The following TRPM6 variants were observed in gnomAD, a reference collection of about 807,000 sequenced individuals.
TRPM6 encodes transient receptor potential cation channel subfamily M member 6, also known as channel kinase 2.
In TRPM6, 111 loss-of-function variants were observed where a neutral mutation model predicts 247.6. The observed-to-expected ratio is 0.45, with a 90% CI of 0.38 to 0.52. The LOEUF is 0.52. Among genes scored for constraint, TRPM6 ranks in the 20% least tolerant of loss-of-function variants. The probability of loss-of-function intolerance (pLI) is 0.00; values close to 1 mark genes in which losing one functional copy is unlikely to be tolerated. For synonymous variants in TRPM6, 892 were observed against 853.8 expected, an observed-to-expected ratio of 1.04 and a Z score of -0.78; for missense variants, 2,126 against 2,421.5, an observed-to-expected ratio of 0.88 and a Z score of 2.56.
chr9:74,808,092 C>T lies in TRPM6; in HGVS notation c.1580G>A (p.Ser527Asn). The T allele has an allele frequency of 6.2e-7, 1 of 1,613,910 alleles. No homozygotes were observed. Among genetic ancestry groups the T allele is most frequent in the Non-Finnish European group, 8.5e-7 (1 of 1,179,922 alleles). Residue 527 changes from serine (S) to asparagine (N), a missense_variant, in exon 14 of 39, where the codon AGC becomes AAC. Transcript: ENST00000360774. ...VEYLIGRAYR[S>N]NYTRKHFRAL... is the part of the protein sequence containing the mutation. ...TCTGAAATGTTTTCTAGTGTAGTTG[C>T]TGCGATATGCTCTACCAATGAGGTA...
chr9:74,878,752 T>A lies in TRPM6; in HGVS notation c.33+9072A>T, dbSNP rs527866039. On this transcript the variant is annotated intron_variant, in intron 1 of 38. Coordinates refer to ENST00000360774, the MANE Select transcript of TRPM6 (RefSeq NM_017662.5). Reference sequence around the variant, plus strand: ...GAAATATGATACCTCCAAAGGAACATAATAATTCTCCAGCAATAGATTTCA... The same window carrying A: ...GAAATATGATACCTCCAAAGGAACAAAATAATTCTCCAGCAATAGATTTCA... 2.0e-5 allele frequency among the ~76,000 whole-genome samples: 3 copies of A among 152,228 alleles called. No individual in the cohort carries two copies. In the South Asian group the frequency reaches 6.2e-4, roughly 32 times the overall value.
intron 25 of TRPM6, among the ~76,000 whole-genome samples, chr9:74,764,932 A>G (rs1361030866): frequency 1.3e-5 from 2 of 152,216 alleles, no homozygotes; most frequent in Admixed American, 6.5e-5. Context: ...AAAATAGTCA[A>G]CCTCATTATG....
At chr9:74,842,079 C>T (rs1248626834) in intron 4 of TRPM6, 87 bp downstream of exon 4, 2 of 1,492,234 alleles carry the variant, frequency 1.3e-6, no homozygotes, top group Non-Finnish European at 9.2e-7. Flanking sequence ...CCATTGCACT[C>T]CAGCCTGGGC....
rs748751859 is a variant in TRPM6, at chr9:74,738,549, A to G, written c.5634T>C (p.Tyr1878=). Residue 1878 remains tyrosine (Y), a synonymous_variant, in exon 36 of 39, where the codon TAT becomes TAC. Transcript: ENST00000360774. ...TATACTTCCGGAACTCCCCTGTCAT[A>G]TACTTCTCAATGGTCAACCACTGGT... The part of the protein sequence containing the change: ...SANQWLTIEK[Y]MTGEFRKYNN... The G allele has an allele frequency of 3.1e-6, 5 of 1,613,976 alleles. No individual in the cohort carries two copies. The highest frequency in any genetic ancestry group is 1.7e-5 in the Admixed American group (1 of 59,990).
intron 17 of TRPM6, 84 bp from the exon 18 acceptor site, chr9:74,796,977 G>C: frequency 7.7e-7 from 1 of 1,302,588 alleles, no homozygotes; most frequent in Non-Finnish European, 1.1e-6. Flanking sequence ...GAATTTCAGT[G>C]TATATAAAAT....
At chr9:74,859,170 C>A (rs967077133) in intron 1 of TRPM6, among the ~76,000 whole-genome samples, 1 of 152,186 alleles carries the variant, frequency 6.6e-6, no homozygotes, top group Admixed American at 6.5e-5. Context: ...TCACAGGAAG[C>A]TGGAAAGAGT....
chr9:74,870,235 A>G (rs1320510286), intron 1 of TRPM6, among the ~76,000 whole-genome samples: 1 of 152,218 alleles, frequency 6.6e-6, no homozygotes, highest in Non-Finnish European at 1.5e-5. Context: ...ATACACCTAC[A>G]GTATCTCATT....
intron 11 of TRPM6, among the ~76,000 whole-genome samples, chr9:74,815,665 T>C (rs575222775): frequency 6.6e-6 from 1 of 152,110 alleles, no homozygotes; most frequent in Admixed American, 6.5e-5. Flanking sequence ...TGTTGAAAAA[T>C]TTCTGAAACT....
chr9:74,814,293 A>T (rs1207647938), intron 11 of TRPM6, among the ~76,000 whole-genome samples: 1 of 152,184 alleles, frequency 6.6e-6, no homozygotes, highest in African/African-American at 2.4e-5. Flanking sequence ...GATGGTTACC[A>T]GAAGCTGGGA....
At chr9:74,727,644 G>A (rs1825377092) in intron 38 of TRPM6, among the ~76,000 whole-genome samples, 1 of 152,162 alleles carries the variant, frequency 6.6e-6, no homozygotes, top group Non-Finnish European at 1.5e-5. Flanking sequence ...ATGAAACAGA[G>A]CCAGGACTGC....
Position 74,724,525 on chromosome 9 carries a change from T to G in TRPM6, c.*88A>C. ...AAGGCGTGTCCCAAGGAGACGCTGA[T>G]GTAATCAACATCACGTTGATCAATC... On this transcript the variant is annotated 3_prime_UTR_variant, in exon 39 of 39. Coordinates refer to ENST00000360774, the MANE Select transcript of TRPM6 (RefSeq NM_017662.5). The G allele has an allele frequency of 6.4e-7, 1 of 1,574,256 alleles. No individual in the cohort carries two copies. The highest frequency in any genetic ancestry group is 8.7e-7 in the Non-Finnish European group (1 of 1,145,178).
Position 74,820,406 on chromosome 9 carries a change from T to C in TRPM6, c.1032A>G (p.Lys344=). 1.2e-6 allele frequency: 2 copies of C among 1,614,146 alleles called. No homozygotes were observed. The highest frequency in any genetic ancestry group is 1.1e-5 in the South Asian group (1 of 91,082). ...TCTGAATCATGCAGATGATCTCCTC[T>C]TTCACCTGAGGTCGCAGCATCCTGG... The part of the protein sequence containing the change: ...ADEGMLRPQV[K]EEIICMIQNT... Residue 344 remains lysine, a synonymous_variant, in exon 9 of 39, where the codon AAA becomes AAG. Coordinates refer to ENST00000360774, the MANE Select transcript of TRPM6 (RefSeq NM_017662.5).
chr9:74,824,320 T>C (rs1213126736), intron 7 of TRPM6, among the ~76,000 whole-genome samples: 1 of 151,626 alleles, frequency 6.6e-6, no homozygotes, highest in Non-Finnish European at 1.5e-5. Context: ...CCGGCTGCTT[T>C]TTTGTATTTT....
At chr9:74,843,832 A>C (rs1450042864) in intron 3 of TRPM6, among the ~76,000 whole-genome samples, 4 of 151,818 alleles carry the variant, frequency 2.6e-5, no homozygotes, top group African/African-American at 9.7e-5. Context: ...AAAAAAAAAA[A>C]AGAGTTGAAA....
intron 36 of TRPM6, among the ~76,000 whole-genome samples, chr9:74,733,017 A>T (rs1161135894): frequency 6.6e-6 from 1 of 152,084 alleles, no homozygotes; most frequent in Non-Finnish European, 1.5e-5. Flanking sequence ...AACACGGTGA[A>T]ATCCCATCTC....
chr9:74,766,748 T>TA lies in TRPM6; in HGVS notation c.3537-3615dup, dbSNP rs1392352562. Among the ~76,000 whole-genome samples, 661 of 139,250 alleles carry TA rather than the reference T, an allele frequency of 4.7e-3. 5 individuals carry two copies. The highest frequency in any genetic ancestry group is 0.023 in the East Asian group (109 of 4,838). The allele number at this position is 139,250 out of a possible 152,430, so 91.4% of individuals were successfully genotyped here. A position where few individuals can be genotyped will look rare whatever the true frequency, so the allele number is the denominator to read the frequency against. ...CGATATGGTGAAACCCCATCTCTAC[T>TA]AAAAAAAAAAAAATAGCCGGGCGTG... On this transcript the variant is annotated intron_variant, in intron 25 of 38. Transcript: ENST00000360774.
At chr9:74,884,322 G>T (rs910065683) in intron 1 of TRPM6, among the ~76,000 whole-genome samples, 2 of 151,164 alleles carry the variant, frequency 1.3e-5, no homozygotes, top group Non-Finnish European at 2.9e-5. Context: ...ACCCCGTCTC[G>T]ACTAAAAATA....
chr9:74,796,407 T>C (rs1014850683), intron 18 of TRPM6, among the ~76,000 whole-genome samples: 1 of 152,202 alleles, frequency 6.6e-6, no homozygotes, highest in Non-Finnish European at 1.5e-5. Context: ...AATTAATAAA[T>C]TGGTATATGG....
Position 74,747,934 on chromosome 9 carries a change from AG to A in TRPM6, c.5058-21del. 1 of 1,611,010 alleles carries A rather than the reference AG, an allele frequency of 6.2e-7. No individual in the cohort carries two copies. Among genetic ancestry groups the A allele is most frequent in the Non-Finnish European group, 8.5e-7 (1 of 1,178,104 alleles). On this transcript the variant is annotated intron_variant, in intron 30 of 38. Coordinates refer to ENST00000360774, the MANE Select transcript of TRPM6 (RefSeq NM_017662.5). ...TTCAGCCTGTTTGAAAAAAAAATGAAGTTGTTTAGATAATGCTGCCTTAAAT... is the reference window on the plus strand; with the variant it reads ...TTCAGCCTGTTTGAAAAAAAAATGAATTGTTTAGATAATGCTGCCTTAAAT...
Sources: allele counts gnomAD v4.1 joint callset (sites outside exome capture counted in the v4.1 genomes callset), GRCh38; gene constraint gnomAD v4.1.1; transcripts MANE v1.5; gene names NCBI Gene and HGNC (gene_info 2026-07-23, HGNC 2026-07-21).